Variants in CADPS2 observed in about 807,000 individuals in gnomAD.
CADPS2 encodes the protein calcium dependent secretion activator 2.
Under a neutral mutation model 172.5 loss-of-function variants are expected in CADPS2, and 93 were observed. The ratio of observed to expected loss-of-function variants is 0.54; its 90% CI spans 0.46 to 0.64. The LOEUF (loss-of-function observed/expected upper bound fraction) is 0.64. CADPS2 is among the 30% of genes least tolerant of loss of function. The pLI, the probability that CADPS2 is intolerant of heterozygous loss-of-function variation, is 0.00. For synonymous variants in CADPS2, 546 were observed against 555.2 expected, an observed-to-expected ratio of 0.98 and a Z score of 0.23; for missense variants, 1,420 against 1,565.9, an observed-to-expected ratio of 0.91 and a Z score of 1.57.
chr7:122,647,185 A>T (rs2078655818), intron 3 of CADPS2, among the ~76,000 whole-genome samples: 1 of 151,918 alleles, frequency 6.6e-6, no homozygotes, highest in Non-Finnish European at 1.5e-5. Context: ...ATTCACAGTA[A>T]GCGCAGTGAA....
chr7:122,673,026 G>A (rs530190399), intron 2 of CADPS2, among the ~76,000 whole-genome samples: 5 of 152,160 alleles, frequency 3.3e-5, no homozygotes, highest in East Asian at 1.9e-4. Flanking sequence ...GCAGACCTTC[G>A]CAGTGTTACA....
At chr7:122,489,995 A>T (rs1047294589) in intron 11 of CADPS2, 86 bp downstream of exon 11, 1 of 1,088,066 alleles carries the variant, frequency 9.2e-7, no homozygotes, top group African/African-American at 1.6e-5. Flanking sequence ...AATGATGTAA[A>T]CTATAATACT....
chr7:122,447,561 T>TTG (rs2152008129), intron 15 of CADPS2, among the ~76,000 whole-genome samples: 2 of 136,158 alleles, frequency 1.5e-5, no homozygotes, highest in Non-Finnish European at 3.2e-5. Flanking sequence ...TTTTTTTTTT[T>TTG]TTTTTTTTTT....
intron 2 of CADPS2, among the ~76,000 whole-genome samples, chr7:122,734,882 C>T (rs991044478): frequency 6.6e-6 from 1 of 152,038 alleles, no homozygotes; most frequent in Non-Finnish European, 1.5e-5. Context: ...TATAGTTTCA[C>T]GACTAAACAC....
At position 122,559,770 on chromosome 7, in the gene CADPS2, C is replaced by CA. The variant is rs71161306; in HGVS notation, c.1336-5082dup. ...TGGGTGACAGTGCGAGACTCCACCTCAAAAAAAAAAAAAAAAAAAAAAGGA... is the reference window on the plus strand; with the variant it reads ...TGGGTGACAGTGCGAGACTCCACCTCAAAAAAAAAAAAAAAAAAAAAAAGGA... On this transcript the variant is annotated intron_variant, in intron 7 of 29. Transcript: ENST00000449022. Among the ~76,000 whole-genome samples the CA allele has an allele frequency of 7.1e-3, 598 of 84,324 alleles. 3 individuals carry two copies. Among genetic ancestry groups the CA allele is most frequent in the East Asian group, 0.028 (50 of 1,784 alleles). The allele number at this position is 84,324 out of a possible 152,430, so 55.3% of individuals were successfully genotyped here. A position where few individuals can be genotyped will look rare whatever the true frequency, so the allele number is the denominator to read the frequency against.
At chr7:122,730,027 T>C (rs67253616) in intron 2 of CADPS2, among the ~76,000 whole-genome samples, 10,321 of 151,686 alleles carry the variant, frequency 0.068, 408 homozygotes, top group South Asian at 0.17. Context: ...TGAGTGAATA[T>C]TGGAGGTAAG....
intron 2 of CADPS2, chr7:122,702,652 G>A (rs561491164): frequency 1.6e-4 from 265 of 1,613,124 alleles, no homozygotes; most frequent in Non-Finnish European, 1.9e-4. Context: ...TGGCTTTTCC[G>A]TTTGAGTCAG....
At chr7:122,657,321 A>G (rs986525038) in intron 3 of CADPS2, among the ~76,000 whole-genome samples, 2 of 152,196 alleles carry the variant, frequency 1.3e-5, no homozygotes, top group Non-Finnish European at 2.9e-5. Flanking sequence ...TGAACTTTAA[A>G]GTAGTGCTTT....
intron 2 of CADPS2, among the ~76,000 whole-genome samples, chr7:122,675,790 AG>A (rs2082324192): frequency 6.6e-6 from 1 of 152,098 alleles, no homozygotes; most frequent in Non-Finnish European, 1.5e-5. Flanking sequence ...GCACGCAGGG[AG>A]GGGAACAACA....
At chr7:122,476,309 A>C (rs1035078516) in intron 12 of CADPS2, among the ~76,000 whole-genome samples, 3 of 152,028 alleles carry the variant, frequency 2.0e-5, no homozygotes, top group African/African-American at 2.4e-5. Context: ...TAATCTGTTG[A>C]GAACAGGATA....
intron 27 of CADPS2, among the ~76,000 whole-genome samples, chr7:122,359,428 C>A (rs1206602456): frequency 6.6e-6 from 1 of 152,000 alleles, no homozygotes; most frequent in Non-Finnish European, 1.5e-5. Flanking sequence ...GTAAATGAAC[C>A]ATTTTCTGTC....
chr7:122,449,419 G>A (rs188903263), intron 15 of CADPS2, among the ~76,000 whole-genome samples: 89 of 152,118 alleles, frequency 5.9e-4, no homozygotes, highest in African/African-American at 2.1e-3. Flanking sequence ...AGGCTCAAGT[G>A]ATCCTCCCAC....
At chr7:122,561,649 T>C (rs578079080) in intron 7 of CADPS2, among the ~76,000 whole-genome samples, 2 of 152,266 alleles carry the variant, frequency 1.3e-5, no homozygotes, top group Middle Eastern at 6.8e-3. Flanking sequence ...AATTCATTTG[T>C]ACCACATAGA....
At chr7:122,599,711 T>C (rs1352691939) in intron 6 of CADPS2, among the ~76,000 whole-genome samples, 1 of 152,118 alleles carries the variant, frequency 6.6e-6, no homozygotes. Flanking sequence ...TTGAAAGCTA[T>C]TTCTTTGTAT....
intron 3 of CADPS2, among the ~76,000 whole-genome samples, chr7:122,654,014 C>A (rs1487068096): frequency 1.3e-5 from 2 of 152,038 alleles, no homozygotes; most frequent in African/African-American, 2.4e-5. Context: ...CATTTTAAGT[C>A]AAAAGCTAGA....
intron 1 of CADPS2, among the ~76,000 whole-genome samples, chr7:122,874,774 A>C (rs2141588348): frequency 6.6e-6 from 1 of 152,328 alleles, no homozygotes; most frequent in Non-Finnish European, 1.5e-5. Flanking sequence ...AAAAACAAGC[A>C]ATGGAGAAAG....
chr7:122,617,510 T>C (rs928417833), intron 5 of CADPS2, among the ~76,000 whole-genome samples: 1 of 152,152 alleles, frequency 6.6e-6, no homozygotes. Context: ...GCTGATGTCA[T>C]AAGCATAAAA....
intron 3 of CADPS2, among the ~76,000 whole-genome samples, chr7:122,657,754 A>G (rs1461484560): frequency 6.6e-6 from 1 of 152,200 alleles, no homozygotes; most frequent in Admixed American, 6.5e-5. Flanking sequence ...GTCATCTGCA[A>G]ACAGGGACAA....
At chr7:122,660,382 A>C (rs1249282575) in intron 3 of CADPS2, among the ~76,000 whole-genome samples, 1 of 152,136 alleles carries the variant, frequency 6.6e-6, no homozygotes, top group East Asian at 1.9e-4. Context: ...TCGTTTTTTA[A>C]AAAAATGTAT....
Sources: allele counts gnomAD v4.1 joint callset (sites outside exome capture counted in the v4.1 genomes callset), GRCh38; gene constraint gnomAD v4.1.1; transcripts MANE v1.5; gene names NCBI Gene and HGNC (gene_info 2026-07-23, HGNC 2026-07-21).